The following STAU1 variants were observed in gnomAD, a reference collection of about 807,000 sequenced individuals.
The protein encoded by STAU1 is double-stranded RNA-binding protein Staufen homolog 1.
A neutral mutation model predicts 62.9 loss-of-function variants in STAU1; 13 were observed. The ratio of observed to expected loss-of-function variants is 0.21; its 90% CI spans 0.13 to 0.33. The LOEUF is 0.33. Among genes scored for constraint, STAU1 ranks in the 10% least tolerant of loss-of-function variants. The pLI is 1.00. For synonymous variants in STAU1, 269 were observed against 265.1 expected, an observed-to-expected ratio of 1.01 and a Z score of -0.14; for missense variants, 571 against 712.1, an observed-to-expected ratio of 0.80 and a Z score of 2.25.
intron 1 of STAU1, among the ~76,000 whole-genome samples, chr20:49,187,296 GA>G (rs1406904161): frequency 1.3e-5 from 2 of 152,160 alleles, no homozygotes; most frequent in Non-Finnish European, 2.9e-5. Flanking sequence ...GAGATGGAAA[GA>G]AACAGCATCC....
At chr20:49,197,525 C>T in the STAU1 span, among the ~76,000 whole-genome samples, 8 of 151,574 alleles carry the variant, frequency 5.3e-5, no homozygotes, top group East Asian at 1.9e-4. Flanking sequence ...CTCAGCCTCC[C>T]GGGTAGCTGG....
intron 3 of STAU1, among the ~76,000 whole-genome samples, chr20:49,162,484 A>T (rs971603323): frequency 1.3e-5 from 2 of 152,188 alleles, no homozygotes; most frequent in African/African-American, 2.4e-5. Context: ...CTCTAAGAAC[A>T]GATTTATAGG....
Position 49,132,418 on chromosome 20 carries a change from AT to A in STAU1, c.609+3414del, listed in dbSNP as rs527308406. Among the ~76,000 whole-genome samples, 13 of 152,332 alleles carry A rather than the reference AT, an allele frequency of 8.5e-5. No individual in the cohort carries two copies. In the East Asian group the frequency reaches 2.3e-3, roughly 27 times the overall value. On this transcript the variant is annotated intron_variant, in intron 6 of 13. Coordinates refer to ENST00000371856, the MANE Select transcript of STAU1 (RefSeq NM_017453.4). ...GTCACAATTGTCTCCCGATGACCGTATCCATCAGCACCATCACATTTTCTAA... is the reference window on the plus strand; with the variant it reads ...GTCACAATTGTCTCCCGATGACCGTACCATCAGCACCATCACATTTTCTAA...
At chr20:49,145,715 C>A (rs1320516032) in intron 5 of STAU1, among the ~76,000 whole-genome samples, 2 of 151,108 alleles carry the variant, frequency 1.3e-5, no homozygotes, top group Non-Finnish European at 3.0e-5. Flanking sequence ...GGCAACAGAG[C>A]GAGACTCCGT....
intron 5 of STAU1, 25 bp from the exon 6 acceptor site, chr20:49,135,956 T>C (rs748418758): frequency 6.3e-7 from 1 of 1,577,052 alleles, no homozygotes. Flanking sequence ...GTTTAGTAGT[T>C]AGCTCTTATT....
chr20:49,217,695 T>TATATA, the STAU1 span, among the ~76,000 whole-genome samples: 29 of 97,560 alleles, frequency 3.0e-4, 1 homozygote, highest in Non-Finnish European at 5.8e-4. Flanking sequence ...ATATATATAT[T>TATATA]TTTAGGCCAG....
the STAU1 span, among the ~76,000 whole-genome samples, chr20:49,208,050 TTTTGTTTG>T: frequency 2.6e-5 from 4 of 151,568 alleles, no homozygotes; most frequent in Non-Finnish European, 4.4e-5. Context: ...CCAGCTAATT[TTTTGTTTG>T]TTTGTTTGTT....
chr20:49,141,142 T>C (rs1408072877), intron 5 of STAU1, among the ~76,000 whole-genome samples: 1 of 152,230 alleles, frequency 6.6e-6, no homozygotes, highest in African/African-American at 2.4e-5. Context: ...TTGTTCATTG[T>C]ATCAGCCCAA....
chr20:49,196,635 G>T, the STAU1 span, among the ~76,000 whole-genome samples: 3 of 150,988 alleles, frequency 2.0e-5, no homozygotes, highest in Non-Finnish European at 2.9e-5. Context: ...GCGTGGTGGC[G>T]CATGCCTGTA....
At chr20:49,178,799 C>T (rs1325222497) in intron 1 of STAU1, among the ~76,000 whole-genome samples, 2 of 150,200 alleles carry the variant, frequency 1.3e-5, no homozygotes, top group Non-Finnish European at 1.5e-5. Flanking sequence ...CATGGCCGGG[C>T]GCGGTGGCTC....
At chr20:49,186,338 T>G (rs987333180) in intron 1 of STAU1, among the ~76,000 whole-genome samples, 2 of 149,986 alleles carry the variant, frequency 1.3e-5, no homozygotes, top group African/African-American at 4.9e-5. Flanking sequence ...AGCGTGAGAC[T>G]GTCTCAAAAA....
intron 1 of STAU1, among the ~76,000 whole-genome samples, chr20:49,186,778 G>C (rs1247936250): frequency 6.6e-6 from 1 of 151,928 alleles, no homozygotes; most frequent in Non-Finnish European, 1.5e-5. Flanking sequence ...GGTAAGCACG[G>C]ATTCCTGAAA....
At chr20:49,172,152 C>T (rs1280684231) in intron 2 of STAU1, among the ~76,000 whole-genome samples, 1 of 152,188 alleles carries the variant, frequency 6.6e-6, no homozygotes. Flanking sequence ...TTTCTTTCCA[C>T]ACAAATGTAA....
chr20:49,181,344 C>T (rs990926499), intron 1 of STAU1, among the ~76,000 whole-genome samples: 3 of 152,100 alleles, frequency 2.0e-5, no homozygotes, highest in African/African-American at 7.2e-5. Flanking sequence ...CTAAACCTGT[C>T]CTTACACATA....
At chr20:49,156,322 G>A (rs183316212) in intron 3 of STAU1, among the ~76,000 whole-genome samples, 303 of 152,230 alleles carry the variant, frequency 2.0e-3, no homozygotes, top group Middle Eastern at 3.4e-3. Context: ...AGATTGTCAG[G>A]CGTTAAGGCA....
chr20:49,169,281 C>G (rs1006659469), intron 2 of STAU1, among the ~76,000 whole-genome samples: 1 of 152,062 alleles, frequency 6.6e-6, no homozygotes, highest in Admixed American at 6.6e-5. Context: ...CAAACAGATG[C>G]TCCTCTCCCA....
intron 1 of STAU1, among the ~76,000 whole-genome samples, chr20:49,178,543 G>A (rs938849286): frequency 6.6e-6 from 1 of 152,036 alleles, no homozygotes; most frequent in African/African-American, 2.4e-5. Flanking sequence ...GAGATCAGGA[G>A]TTCAAGATCA....
intron 12 of STAU1, 58 bp from the exon 13 acceptor site, chr20:49,115,925 T>C (rs2092312155): frequency 3.4e-6 from 5 of 1,485,732 alleles, no homozygotes; most frequent in Middle Eastern, 1.7e-4. Flanking sequence ...CACAGCATAA[T>C]ACACTGGTCA....
chr20:49,146,981 T>C (rs1166061077), intron 5 of STAU1, among the ~76,000 whole-genome samples: 1 of 152,202 alleles, frequency 6.6e-6, no homozygotes, highest in Non-Finnish European at 1.5e-5. Flanking sequence ...GTAAAACTCA[T>C]ACTTCATTAG....
Sources: allele counts gnomAD v4.1 joint callset (sites outside exome capture counted in the v4.1 genomes callset), GRCh38; gene constraint gnomAD v4.1.1; transcripts MANE v1.5; gene names NCBI Gene and HGNC (gene_info 2026-07-23, HGNC 2026-07-21).